ACTN1: variants seen among roughly 807,000 people sequenced by gnomAD.
ACTN1 encodes alpha-actinin-1.
Under a neutral mutation model 119.6 loss-of-function variants are expected in ACTN1, and 30 were observed. The observed-to-expected ratio is 0.25, with a 90% CI of 0.19 to 0.34. The LOEUF is 0.34. Ranked by LOEUF, ACTN1 falls within the 10% of genes least tolerant of loss-of-function variation. ACTN1 has a pLI of 1.00. For synonymous variants in ACTN1, 429 were observed against 472.6 expected (o/e 0.91, Z 1.20); for missense variants, 764 against 1,223.4 (o/e 0.62, Z 5.60).
At chr14:68,960,236 T>C (rs1239840861) in intron 1 of ACTN1, among the ~76,000 whole-genome samples, 1 of 152,062 alleles carries the variant, frequency 6.6e-6, no homozygotes, top group Admixed American at 6.5e-5. Context: ...ATAACTTTTA[T>C]GAAAAAAAAT....
At chr14:68,945,495 T>C (rs1232988934) in intron 1 of ACTN1, among the ~76,000 whole-genome samples, 2 of 152,026 alleles carry the variant, frequency 1.3e-5, no homozygotes, top group African/African-American at 2.4e-5. Context: ...ACCTGCATCT[T>C]AGAAAGAGAC....
At chr14:68,918,357 G>A (rs2034436284) in intron 3 of ACTN1, among the ~76,000 whole-genome samples, 2 of 152,110 alleles carry the variant, frequency 1.3e-5, no homozygotes, top group Non-Finnish European at 2.9e-5. Context: ...TGAGGCGGGT[G>A]GATCACGAGG....
Position 68,909,827 on chromosome 14 carries a change from A to C in ACTN1, c.515+128T>G. ...CGATGGCGACATCCCCTTCCCAAGG[A>C]AAGCTACTTCTTCCCCCAGAGGTCT... is the stretch of plus-strand genomic sequence containing the variant. On this transcript the variant is annotated intron_variant, in intron 5 of 21. Coordinates refer to ENST00000394419, the MANE Select transcript of ACTN1 (RefSeq NM_001130004.2). This position sits in a 1 kb window ranked among gnomAD's most constrained non-coding sequence, Gnocchi z 4.1. 2 of 747,172 alleles carry C rather than the reference A, an allele frequency of 2.7e-6. No homozygotes were observed. The highest frequency in any genetic ancestry group is 4.5e-6 in the Non-Finnish European group (2 of 442,504). 46.3% of individuals were successfully genotyped at this position (747,172 alleles called of 1,614,324 possible).
At chr14:68,899,754 A>G (rs74621980) in intron 8 of ACTN1, among the ~76,000 whole-genome samples, 3,757 of 152,324 alleles carry the variant, frequency 0.025, 55 homozygotes, top group Middle Eastern at 0.085. Flanking sequence ...GAAGCCCGGG[A>G]CAGACCCCTG....
chr14:68,874,741 C>A lies in ACTN1; in HGVS notation c.*118G>T. 1 of 1,062,322 alleles carries A rather than the reference C, an allele frequency of 9.4e-7. No homozygotes were observed. Among genetic ancestry groups the A allele is most frequent in the East Asian group, 2.7e-5 (1 of 36,560 alleles). The allele number at this position is 1,062,322 out of a possible 1,614,324, so 65.8% of individuals were successfully genotyped here. A position where few individuals can be genotyped will look rare whatever the true frequency, so the allele number is the denominator to read the frequency against. On this transcript the variant is annotated 3_prime_UTR_variant, in exon 22 of 22. Transcript: ENST00000394419. ...GCAGGGAGGATCGATGCCACGTGGGCCCCAGCTCACCCGGGTGGAGGCTGG... is the reference window on the plus strand; with the variant it reads ...GCAGGGAGGATCGATGCCACGTGGGACCCAGCTCACCCGGGTGGAGGCTGG...
At chr14:68,907,840 C>T (rs750934411) in intron 6 of ACTN1, among the ~76,000 whole-genome samples, 1 of 151,988 alleles carries the variant, frequency 6.6e-6, no homozygotes, top group South Asian at 2.1e-4. Flanking sequence ...CCACTGACAC[C>T]CCAGCATACC....
At position 68,878,963 on chromosome 14, in the gene ACTN1, G is replaced by A; in HGVS notation, c.2361+26C>T. The A allele has an allele frequency of 6.2e-7, 1 of 1,613,112 alleles. No individual in the cohort carries two copies. Among genetic ancestry groups the A allele is most frequent in the Non-Finnish European group, 8.5e-7 (1 of 1,179,810 alleles). On this transcript the variant is annotated intron_variant, in intron 19 of 21. Coordinates refer to ENST00000394419, the MANE Select transcript of ACTN1 (RefSeq NM_001130004.2). The surrounding 1 kb of genome is among the most constrained non-coding windows in gnomAD (Gnocchi z 4.4). ...TTCTTGCCCCAGACGCCACCCCTGA[G>A]CGTGCTCCATGCAGGAGGCGAGTAC...
At position 68,925,734 on chromosome 14, in the gene ACTN1, G is replaced by T; in HGVS notation, c.106-62C>A. 1 of 1,364,292 alleles carries T rather than the reference G, an allele frequency of 7.3e-7. No individual in the cohort carries two copies. The highest frequency in any genetic ancestry group is 1.0e-6 in the Non-Finnish European group (1 of 969,668). 84.5% of individuals were successfully genotyped at this position (1,364,292 alleles called of 1,614,324 possible). On this transcript the variant is annotated intron_variant, in intron 1 of 21. Coordinates refer to ENST00000394419, the MANE Select transcript of ACTN1 (RefSeq NM_001130004.2). This position sits in a 1 kb window ranked among gnomAD's most constrained non-coding sequence, Gnocchi z 4.3. ...TGGTGTTGTCACCCTCATTGGACAAGCCATTTAATGGTGCCAGGGGGTGGG... is the reference window on the plus strand; with the variant it reads ...TGGTGTTGTCACCCTCATTGGACAATCCATTTAATGGTGCCAGGGGGTGGG...
intron 3 of ACTN1, among the ~76,000 whole-genome samples, chr14:68,918,241 G>C (rs2034424810): frequency 6.6e-6 from 1 of 152,188 alleles, no homozygotes; most frequent in South Asian, 2.1e-4. Context: ...AGGCCAGCAT[G>C]GCAGGGGCAG....
chr14:68,960,752 A>G (rs1449932888), intron 1 of ACTN1, among the ~76,000 whole-genome samples: 1 of 151,700 alleles, frequency 6.6e-6, no homozygotes, highest in Non-Finnish European at 1.5e-5. Flanking sequence ...CTCTATTAAA[A>G]AAAAAAAAAA....
At chr14:68,945,578 GAAA>G (rs2035919162) in intron 1 of ACTN1, among the ~76,000 whole-genome samples, 1 of 152,220 alleles carries the variant, frequency 6.6e-6, no homozygotes, top group Non-Finnish European at 1.5e-5. Context: ...ACAAGATCAC[GAAA>G]AGGTCCCAGC....
chr14:68,917,640 C>G (rs531510451), intron 3 of ACTN1, among the ~76,000 whole-genome samples: 1 of 152,344 alleles, frequency 6.6e-6, no homozygotes, highest in South Asian at 2.1e-4. Context: ...AGTTTCTTGG[C>G]TCAGCAGAGC....
chr14:68,971,519 G>C (rs188050989), intron 1 of ACTN1, among the ~76,000 whole-genome samples: 2 of 152,326 alleles, frequency 1.3e-5, no homozygotes, highest in African/African-American at 4.8e-5. Flanking sequence ...AAGGGTGCCA[G>C]CACCTTCATT....
chr14:68,930,808 T>C (rs142212436), intron 1 of ACTN1, among the ~76,000 whole-genome samples: 13 of 152,290 alleles, frequency 8.5e-5, no homozygotes, highest in Middle Eastern at 3.4e-3. Flanking sequence ...CACTGAAAAT[T>C]ATAGCAACTG....
rs138524522 is a variant in ACTN1, at chr14:68,961,658, C to T, written c.105+17294G>A. On this transcript the variant is annotated intron_variant, in intron 1 of 21. Coordinates refer to ENST00000394419, the MANE Select transcript of ACTN1 (RefSeq NM_001130004.2). ...TTCACAGGGTCTTGGATAAAAATGGCTTGTACACTCAAGTCACAGCTGTTT... is the reference window on the plus strand; with the variant it reads ...TTCACAGGGTCTTGGATAAAAATGGTTTGTACACTCAAGTCACAGCTGTTT... Among the ~76,000 whole-genome samples, 55 of 152,342 alleles carry T rather than the reference C, an allele frequency of 3.6e-4. 1 individual carries two copies. The East Asian group carries it at 0.011, about 29-fold the overall frequency.
At position 68,882,767 on chromosome 14, in the gene ACTN1, T is replaced by TAC. The variant is rs2031670598; in HGVS notation, c.1818+104_1818+105dup. On this transcript the variant is annotated intron_variant, in intron 15 of 21. Transcript: ENST00000394419. The surrounding 1 kb of genome is among the most constrained non-coding windows in gnomAD (Gnocchi z 4.5). ...GACATTTGGACAAACAATGAGTGTTTACTATATGACAATTTTAAATGAAAT... is the reference window on the plus strand; with the variant it reads ...GACATTTGGACAAACAATGAGTGTTTACACTATATGACAATTTTAAATGAAAT... 1 of 1,525,990 alleles carries TAC rather than the reference T, an allele frequency of 6.6e-7. No individual in the cohort carries two copies. Among genetic ancestry groups the TAC allele is most frequent in the Non-Finnish European group, 8.9e-7 (1 of 1,120,170 alleles). The allele number at this position is 1,525,990 out of a possible 1,614,324, so 94.5% of individuals were successfully genotyped here. A position where few individuals can be genotyped will look rare whatever the true frequency, so the allele number is the denominator to read the frequency against.
intron 8 of ACTN1, among the ~76,000 whole-genome samples, chr14:68,900,378 G>A (rs1376850155): frequency 6.6e-6 from 1 of 152,036 alleles, no homozygotes; most frequent in Non-Finnish European, 1.5e-5. Context: ...CAGCCTGGTT[G>A]AGAAGCATCA....
chr14:68,976,145 G>A (rs1027843108), intron 1 of ACTN1, among the ~76,000 whole-genome samples: 31 of 152,158 alleles, frequency 2.0e-4, no homozygotes, highest in African/African-American at 5.6e-4. Flanking sequence ...ATAAAAGCTC[G>A]ATGAAATGGA....
At chr14:68,944,655 T>C (rs192595579) in intron 1 of ACTN1, among the ~76,000 whole-genome samples, 17 of 152,194 alleles carry the variant, frequency 1.1e-4, no homozygotes, top group Admixed American at 9.8e-4. Flanking sequence ...CCTGAACTGA[T>C]CCTGGGGGGC....
Sources: allele counts gnomAD v4.1 joint callset (sites outside exome capture counted in the v4.1 genomes callset), GRCh38; gene constraint gnomAD v4.1.1; non-coding constraint Gnocchi (gnomAD v3.1); transcripts MANE v1.5; gene names NCBI Gene and HGNC (gene_info 2026-07-23, HGNC 2026-07-21).